DGKB: variants seen among roughly 807,000 people sequenced by gnomAD.
DGKB encodes diacylglycerol kinase beta.
Under a neutral mutation model 114.3 loss-of-function variants are expected in DGKB, and 67 were observed. The observed-to-expected ratio is 0.59, with a 90% confidence interval of 0.48 to 0.72. DGKB has a LOEUF of 0.72. DGKB is among the 30% of genes least tolerant of loss of function. The pLI is 0.00. For synonymous variants in DGKB, 398 were observed against 323.1 expected, an observed-to-expected ratio of 1.23 and a Z score of -2.49; for missense variants, 907 against 975.2, an observed-to-expected ratio of 0.93 and a Z score of 0.93.
intron 23 of DGKB, among the ~76,000 whole-genome samples, chr7:14,220,576 A>G (rs1167555818): frequency 6.6e-6 from 1 of 151,436 alleles, no homozygotes; most frequent in African/African-American, 2.4e-5. Context: ...CAACTTTGTT[A>G]ATCTTTTTGA....
chr7:14,733,289 A>G (rs1378714293), intron 5 of DGKB, among the ~76,000 whole-genome samples: 2 of 152,242 alleles, frequency 1.3e-5, no homozygotes, highest in Admixed American at 6.5e-5. Context: ...TAAACATATT[A>G]GTCACCATAC....
At chr7:14,767,889 T>C (rs1307917113) in intron 2 of DGKB, among the ~76,000 whole-genome samples, 1 of 151,974 alleles carries the variant, frequency 6.6e-6, no homozygotes, top group Non-Finnish European at 1.5e-5. Flanking sequence ...AAACACTTAC[T>C]GGCAAACCAA....
chr7:14,428,737 G>A (rs1827969262), intron 21 of DGKB, among the ~76,000 whole-genome samples: 1 of 152,030 alleles, frequency 6.6e-6, no homozygotes, highest in South Asian at 2.1e-4. Flanking sequence ...TTGTGTAAGT[G>A]TGTATGTTTT....
intron 13 of DGKB, among the ~76,000 whole-genome samples, chr7:14,643,289 C>T (rs1353990626): frequency 6.6e-6 from 1 of 152,092 alleles, no homozygotes; most frequent in Non-Finnish European, 1.5e-5. Context: ...AGAGAAAAGC[C>T]CCTCTGCCCT....
At chr7:14,948,259 A>G (rs911553859) in intron 1 of DGKB, among the ~76,000 whole-genome samples, 43 of 151,708 alleles carry the variant, frequency 2.8e-4, no homozygotes, top group African/African-American at 1.0e-3. Context: ...ATGTTTAACA[A>G]CTCTTAGCCC....
At chr7:14,746,509 T>G (rs994013335) in intron 4 of DGKB, among the ~76,000 whole-genome samples, 1 of 152,170 alleles carries the variant, frequency 6.6e-6, no homozygotes, top group Non-Finnish European at 1.5e-5. Context: ...TTTTTTTATT[T>G]TTTTGAGACA....
At chr7:14,632,338 T>C (rs1055761065) in intron 13 of DGKB, among the ~76,000 whole-genome samples, 19 of 151,788 alleles carry the variant, frequency 1.3e-4, no homozygotes, top group African/African-American at 4.6e-4. Context: ...CTGAAATATT[T>C]AGTGATGTGG....
chr7:14,942,556 G>C (rs777913049), intron 1 of DGKB, among the ~76,000 whole-genome samples: 14 of 151,946 alleles, frequency 9.2e-5, no homozygotes, highest in Non-Finnish European at 1.5e-4. Flanking sequence ...TAACAGTGCT[G>C]AAGTAATTAC....
intron 17 of DGKB, among the ~76,000 whole-genome samples, chr7:14,594,884 T>C (rs937881551): frequency 2.0e-5 from 3 of 152,118 alleles, no homozygotes; most frequent in Non-Finnish European, 4.4e-5. Flanking sequence ...CCTGTATCTA[T>C]CCACTTATTT....
intron 1 of DGKB, among the ~76,000 whole-genome samples, chr7:14,951,399 A>G (rs1786193431): frequency 2.6e-5 from 4 of 152,174 alleles, no homozygotes; most frequent in South Asian, 4.1e-4. Flanking sequence ...AAAGATGCCA[A>G]TCTGTGAAGA....
rs1255321979 is a variant in DGKB at position 14,252,219 on chromosome 7, T to C, written c.2123-74068A>G. ...ACCCAGATCAAGTCTGCTGTTGAAA[T>C]TTTACCCAGATCAAGTCTGCTGTTG... On this transcript the variant is annotated intron_variant, in intron 23 of 25. Transcript: ENST00000402815. Among the ~76,000 whole-genome samples, 3 of 152,142 alleles carry C rather than the reference T, an allele frequency of 2.0e-5. 1 individual carries two copies. The East Asian group carries it at 5.8e-4, about 29-fold the overall frequency.
At chr7:14,660,452 C>G (rs1372286271) in intron 13 of DGKB, among the ~76,000 whole-genome samples, 4 of 151,886 alleles carry the variant, frequency 2.6e-5, no homozygotes, top group Admixed American at 1.3e-4. Context: ...TCTTAGGAGA[C>G]TGTATGTGTC....
At chr7:14,489,417 A>G (rs539787173) in intron 20 of DGKB, among the ~76,000 whole-genome samples, 12 of 152,292 alleles carry the variant, frequency 7.9e-5, no homozygotes, top group African/African-American at 2.9e-4. Context: ...ATTTTCAATA[A>G]TCAAGATATC....
intron 17 of DGKB, among the ~76,000 whole-genome samples, chr7:14,589,828 A>T (rs1484973252): frequency 6.6e-6 from 1 of 152,068 alleles, no homozygotes; most frequent in African/African-American, 2.4e-5. Flanking sequence ...ATCAATCTTT[A>T]TGAACAAATT....
intron 1 of DGKB, among the ~76,000 whole-genome samples, chr7:14,968,509 A>T (rs907908618): frequency 6.6e-6 from 1 of 152,112 alleles, no homozygotes; most frequent in African/African-American, 2.4e-5. Flanking sequence ...AAAAATCCCA[A>T]CTGTCTTTTC....
At chr7:14,245,147 G>T (rs542760340) in intron 23 of DGKB, among the ~76,000 whole-genome samples, 1 of 151,588 alleles carries the variant, frequency 6.6e-6, no homozygotes, top group Non-Finnish European at 1.5e-5. Flanking sequence ...GTATATTAGG[G>T]AAATGTGCAT....
intron 2 of DGKB, among the ~76,000 whole-genome samples, chr7:14,819,782 A>T (rs1439373984): frequency 1.3e-5 from 2 of 152,160 alleles, no homozygotes; most frequent in African/African-American, 4.8e-5. Context: ...CCATGTTCTT[A>T]ATATCTATAC....
At chr7:14,413,729 G>C (rs935731076) in intron 21 of DGKB, among the ~76,000 whole-genome samples, 2 of 152,134 alleles carry the variant, frequency 1.3e-5, no homozygotes, top group African/African-American at 2.4e-5. Context: ...TGAAGAAAGA[G>C]AGATGGAAGT....
intron 21 of DGKB, among the ~76,000 whole-genome samples, chr7:14,444,178 T>A (rs112678623): frequency 6.6e-6 from 1 of 151,894 alleles, no homozygotes; most frequent in Non-Finnish European, 1.5e-5. Flanking sequence ...CACCTGAGTT[T>A]TATAAATCCT....
Sources: allele counts gnomAD v4.1 joint callset (sites outside exome capture counted in the v4.1 genomes callset), GRCh38; gene constraint gnomAD v4.1.1; transcripts MANE v1.5; gene names NCBI Gene and HGNC (gene_info 2026-07-23, HGNC 2026-07-21).